GGCX: variants seen among roughly 807,000 people sequenced by gnomAD.
The protein encoded by GGCX is vitamin K-dependent gamma-carboxylase.
A neutral mutation model predicts 88.5 loss-of-function variants in GGCX; 63 were observed. The ratio of observed to expected loss-of-function variants is 0.71; its 90% CI spans 0.58 to 0.88. GGCX has a LOEUF of 0.88. Among genes scored for constraint, GGCX ranks in the 40% least tolerant of loss-of-function variants. GGCX has a pLI of 0.00. For missense variants in GGCX, 805 were observed against 932.9 expected (o/e 0.86, Z 1.79); for synonymous variants, 368 against 365.8 (o/e 1.01, Z -0.07).
rs1692099424 is a variant in GGCX at position 85,554,123 on chromosome 2, C to T, written c.889+20G>A. 6.3e-7 allele frequency: 1 copy of T among 1,597,398 alleles called. No homozygotes were observed. Among genetic ancestry groups the T allele is most frequent in the East Asian group, 2.2e-5 (1 of 44,812 alleles). On this transcript the variant is annotated intron_variant, in intron 7 of 14. Transcript: ENST00000233838. ...TGCAAAACTGTGGTTCCTGTTTCCT[C>T]CCAGGCTACAGGTACTGACCAATGC...
At position 85,549,271 on chromosome 2, in the gene GGCX, G is replaced by A. The variant is rs1691811712; in HGVS notation, c.*663C>T. 1 of 153,622 alleles carries A rather than the reference G, an allele frequency of 6.5e-6. No individual in the cohort carries two copies. Among genetic ancestry groups the A allele is most frequent in the Admixed American group, 6.4e-5 (1 of 15,504 alleles). 9.5% of individuals were successfully genotyped at this position (153,622 alleles called of 1,614,324 possible). On this transcript the variant is annotated 3_prime_UTR_variant, in exon 15 of 15. Transcript: ENST00000233838. ...CCTCTCAGCCTAATGTAATAATGCA[G>A]GTAACACTGCTCACGCGGTGTGTTG...
chr2:85,552,121 A>G (rs1301037269), intron 10 of GGCX, 140 bp from the exon 11 acceptor site: 1 of 754,482 alleles, frequency 1.3e-6, no homozygotes, highest in Admixed American at 2.0e-5. Flanking sequence ...TTGCCAGTCC[A>G]GGGCAGAGAA....
chr2:85,550,095 G>A lies in GGCX; in HGVS notation c.2116C>T (p.Leu706=). ...TCCAGGGAAGGACGGCCTAATATCA[G>A]ATTTCGAAGTGAGATACAAGTCATC... The part of the protein sequence containing the change: ...FLMTCISLRN[L]ILGRPSLEQL... The change falls in exon 15 of 15, where the codon CTG becomes TTG. Residue 706 remains leucine (L), a synonymous_variant. Transcript: ENST00000233838. 6.2e-7 allele frequency: 1 copy of A among 1,613,854 alleles called. No individual in the cohort carries two copies. The highest frequency in any genetic ancestry group is 8.5e-7 in the Non-Finnish European group (1 of 1,179,772).
Position 85,554,199 on chromosome 2 carries a change from A to G in GGCX, c.833T>C (p.Ile278Thr), listed in dbSNP as rs139689026. Reference sequence around the variant, plus strand: ...GAAGTAGGACACAAAGAACAGGCCAATGGATCTTGAGACATCAAAAAAGAG... The same window carrying G: ...GAAGTAGGACACAAAGAACAGGCCAGTGGATCTTGAGACATCAAAAAAGAG... Reference protein sequence around the residue: ...FLLFFDVSRSIGLFFVSYFHC... With the variant: ...FLLFFDVSRSTGLFFVSYFHC... The change falls in exon 7 of 15, where the codon ATT becomes ACT. Residue 278 changes from isoleucine to threonine, a missense_variant. Ile to Thr is a moderately conservative substitution (Grantham distance 89). This residue lies in a region of GGCX where 680 missense variants were observed against 763.7 expected (regional missense o/e 0.89). Transcript: ENST00000233838. The G allele has an allele frequency of 3.0e-5, 49 of 1,613,016 alleles. No individual in the cohort carries two copies. The African/African-American group carries it at 3.3e-4, about 11-fold the overall frequency.
At chr2:85,552,255 C>T (rs1277873830) in intron 10 of GGCX, among the ~76,000 whole-genome samples, 161 bp downstream of exon 10, 3 of 152,196 alleles carry the variant, frequency 2.0e-5, no homozygotes, top group African/African-American at 7.2e-5. Context: ...ATGGTGCCCC[C>T]TGCTGGAAGC....
At position 85,546,170 on chromosome 2, in the gene GGCX, T is replaced by C. The variant is rs180983235; in HGVS notation, c.*3764A>G. On this transcript the variant is annotated 3_prime_UTR_variant, in exon 15 of 15. Transcript: ENST00000233838. ...GTGGCCTGTAATATAGGCCACTATA[T>C]AGTAATATAGGCGTGAGCCTATAAT... 5 of 152,342 alleles carry C rather than the reference T, an allele frequency of 3.3e-5. No homozygotes were observed. The highest frequency in any genetic ancestry group is 3.3e-4 in the Admixed American group (5 of 15,304). The allele number at this position is 152,342 out of a possible 1,614,324, so 9.4% of individuals were successfully genotyped here.
chr2:85,553,166 C>T, intron 8 of GGCX, 66 bp downstream of exon 8: 1 of 1,612,196 alleles, frequency 6.2e-7, no homozygotes, highest in Non-Finnish European at 8.5e-7. Context: ...CCATTCTTTC[C>T]CAACTATTGT....
chr2:85,559,934 C>T (rs1692360278), intron 2 of GGCX, among the ~76,000 whole-genome samples: 1 of 152,106 alleles, frequency 6.6e-6, no homozygotes, highest in Non-Finnish European at 1.5e-5. Context: ...AGGGGATTAT[C>T]CAATGCACTA....
rs1277289459 is a variant in GGCX at position 85,546,019 on chromosome 2, G to A, written c.*3915C>T. ...CTACATGCATAGAGAATAGCCACTT[G>A]GATTACATTTCTACCAACATCTGAA... On this transcript the variant is annotated 3_prime_UTR_variant, in exon 15 of 15. Transcript: ENST00000233838. 1 of 152,206 alleles carries A rather than the reference G, an allele frequency of 6.6e-6. No individual in the cohort carries two copies. The highest frequency in any genetic ancestry group is 1.5e-5 in the Non-Finnish European group (1 of 68,032). The allele number at this position is 152,206 out of a possible 1,614,324, so 9.4% of individuals were successfully genotyped here. A position where few individuals can be genotyped will look rare whatever the true frequency, so the allele number is the denominator to read the frequency against.
Position 85,560,853 on chromosome 2 carries a change from G to A in GGCX, c.176C>T (p.Thr59Met), listed in dbSNP as rs779347879. 4 of 1,614,080 alleles carry A rather than the reference G, an allele frequency of 2.5e-6. No individual in the cohort carries two copies. The highest frequency in any genetic ancestry group is 4.5e-5 in the East Asian group (2 of 44,884). ...RRLVTLLNRPTDPASLAVFRF... is the reference protein window; with the variant it reads ...RRLVTLLNRPMDPASLAVFRF... Reference sequence around the variant, plus strand: ...AAAGACAGCTAAGCTTGCAGGGTCCGTTGGTCGATTCAGCAGGGTCACCAG... The same window carrying A: ...AAAGACAGCTAAGCTTGCAGGGTCCATTGGTCGATTCAGCAGGGTCACCAG... The change falls in exon 2 of 15, where the codon ACG becomes ATG. Residue 59 changes from threonine (T) to methionine (M), a missense_variant. Physicochemically the swap from Thr to Met is moderately conservative, Grantham distance 81 (BLOSUM62 -1). Around this residue, in one of 3 missense-constraint regions of GGCX, gnomAD observed 61 missense variants for 111.9 expected, o/e 0.54. Transcript: ENST00000233838.
intron 3 of GGCX, 34 bp downstream of exon 3, chr2:85,558,883 C>T: frequency 6.3e-7 from 1 of 1,594,464 alleles, no homozygotes; most frequent in Non-Finnish European, 8.6e-7. Flanking sequence ...GTGTTTCTGG[C>T]AGGCCAGTCA....
In GGCX at chr2:85,554,185, C is replaced by G. The variant is rs1438293607; in HGVS notation, c.847G>C (p.Val283Leu). 6.2e-7 allele frequency: 1 copy of G among 1,613,300 alleles called. No homozygotes were observed. Among genetic ancestry groups the G allele is most frequent in the Non-Finnish European group, 8.5e-7 (1 of 1,179,276 alleles). Residue 283 changes from valine (V) to leucine (L), a missense_variant, in exon 7 of 15, where the codon GTG becomes CTG. Around this residue, in one of 3 missense-constraint regions of GGCX, gnomAD observed 680 missense variants for 763.7 expected, o/e 0.89. Transcript: ENST00000233838. Reference sequence around the variant, plus strand: ...GAATTCATGCAGTGGAAGTAGGACACAAAGAACAGGCCAATGGATCTTGAG... The same window carrying G: ...GAATTCATGCAGTGGAAGTAGGACAGAAAGAACAGGCCAATGGATCTTGAG... ...DVSRSIGLFF[V>L]SYFHCMNSQL...
chr2:85,559,100 T>A (rs1426389280), intron 2 of GGCX, 25 bp from the exon 3 acceptor site: 1 of 1,605,420 alleles, frequency 6.2e-7, no homozygotes, highest in Non-Finnish European at 8.5e-7. Context: ...GGGGAGTTGG[T>A]CATTGGGCCT....
chr2:85,551,191 C>T lies in GGCX; in HGVS notation c.1741-119G>A, dbSNP rs532558826. ...AATTGTGTTTTGGAATCGAAAGTAACGGACCTCTAGAATCCTGGATGAGGC... is the reference window on the plus strand; with the variant it reads ...AATTGTGTTTTGGAATCGAAAGTAATGGACCTCTAGAATCCTGGATGAGGC... On this transcript the variant is annotated intron_variant, in intron 12 of 14. Transcript: ENST00000233838. The T allele has an allele frequency of 2.6e-4, 270 of 1,035,518 alleles. 1 individual carries two copies. The African/African-American group carries it at 3.6e-3, about 14-fold the overall frequency. The allele number at this position is 1,035,518 out of a possible 1,614,324, so 64.1% of individuals were successfully genotyped here.
chr2:85,550,449 A>C lies in GGCX; in HGVS notation c.2084+106T>G, dbSNP rs17026447. On this transcript the variant is annotated intron_variant, in intron 14 of 14. Transcript: ENST00000233838. ...ATGGCAGGAAAAGATACCTAGAGCT[A>C]AACTGTCCTTTCCTGTATGACAGTC... 0.04 allele frequency: 33,953 copies of C among 846,032 alleles called. 908 individuals carry two copies. Among genetic ancestry groups the C allele is most frequent in the African/African-American group, 0.11 (6,668 of 60,214 alleles). 52.4% of individuals were successfully genotyped at this position (846,032 alleles called of 1,614,324 possible). A position where few individuals can be genotyped will look rare whatever the true frequency, so the allele number is the denominator to read the frequency against.
Position 85,546,474 on chromosome 2 carries a change from T to C in GGCX, c.*3460A>G, listed in dbSNP as rs1274818416. On this transcript the variant is annotated 3_prime_UTR_variant, in exon 15 of 15. Transcript: ENST00000233838. ...GCTTACACCTGTAATCCCAGCACTT[T>C]GGGAGGCTAATGCGGGTGGATCACC... is the stretch of plus-strand genomic sequence containing the variant. 1 of 149,760 alleles carries C rather than the reference T, an allele frequency of 6.7e-6. No individual in the cohort carries two copies. Among genetic ancestry groups the C allele is most frequent in the Non-Finnish European group, 1.5e-5 (1 of 67,086 alleles). 9.3% of individuals were successfully genotyped at this position (149,760 alleles called of 1,614,324 possible). A position where few individuals can be genotyped will look rare whatever the true frequency, so the allele number is the denominator to read the frequency against.
chr2:85,553,562 T>C (rs1386912123), intron 7 of GGCX, 65 bp from the exon 8 acceptor site: 1 of 1,474,568 alleles, frequency 6.8e-7, no homozygotes, highest in African/African-American at 1.4e-5. Flanking sequence ...CCCCGTTCCC[T>C]TAGGAGACTT....
chr2:85,550,242 A>G (rs1237940150), intron 14 of GGCX, 116 bp from the exon 15 acceptor site: 1 of 768,508 alleles, frequency 1.3e-6, no homozygotes, highest in African/African-American at 1.7e-5. Context: ...ATATATGGGA[A>G]TCTCCCCCCA....
rs777118237 is a variant in GGCX, at chr2:85,553,264, G to A, written c.1123C>T (p.Leu375=). The change falls in exon 8 of 15, where the codon CTA becomes TTA. Residue 375 remains leucine (L), a synonymous_variant. Transcript: ENST00000233838. ...AGAAAATGAGAATAGGGCAGGAATA[G>A]CTGCTCCAGGAGGTAGAGCAGGGTG... is the stretch of plus-strand genomic sequence containing the variant. The part of the protein sequence containing the change: ...AFTLLYLLEQ[L]FLPYSHFLTQ... 2 of 1,614,190 alleles carry A rather than the reference G, an allele frequency of 1.2e-6. No homozygotes were observed. The highest frequency in any genetic ancestry group is 3.3e-5 in the Admixed American group (2 of 60,038).
Sources: allele counts gnomAD v4.1 joint callset (sites outside exome capture counted in the v4.1 genomes callset), GRCh38; gene constraint gnomAD v4.1.1; regional missense constraint gnomAD v4.1.1; transcripts MANE v1.5; gene names NCBI Gene and HGNC (gene_info 2026-07-23, HGNC 2026-07-21).